MMP16: variants seen among roughly 807,000 people sequenced by gnomAD.
MMP16 encodes matrix metallopeptidase 16.
MMP16 carries 12 observed loss-of-function variants against 67.8 expected under a neutral mutation model. That is an observed-to-expected ratio of 0.18 (90% CI 0.11 to 0.29). MMP16 has a LOEUF of 0.29. Ranked by LOEUF, MMP16 falls within the 10% of genes least tolerant of loss-of-function variation. The pLI, the probability that MMP16 is intolerant of heterozygous loss-of-function variation, is 1.00. For missense variants in MMP16, 475 were observed against 765.7 expected (o/e 0.62, Z 4.48); for synonymous variants, 249 against 255.9 (o/e 0.97, Z 0.26).
chr8:88,057,603 G>A (rs760538208), intron 7 of MMP16, among the ~76,000 whole-genome samples: 3 of 151,980 alleles, frequency 2.0e-5, no homozygotes, highest in Admixed American at 6.6e-5. Context: ...ATGATAAACC[G>A]TAGCTTTCAT....
chr8:88,193,447 G>A (rs749168828), intron 2 of MMP16, among the ~76,000 whole-genome samples: 24 of 152,108 alleles, frequency 1.6e-4, no homozygotes, highest in Non-Finnish European at 2.8e-4. Context: ...AAGGATAGGA[G>A]GGAGGTGGGG....
At chr8:88,275,951 C>A (rs1810642970) in intron 1 of MMP16, among the ~76,000 whole-genome samples, 1 of 152,014 alleles carries the variant, frequency 6.6e-6, no homozygotes, top group East Asian at 1.9e-4. Flanking sequence ...AAGAGCACTC[C>A]TAGTCCCTTG....
rs1262185230 is a variant in MMP16, at chr8:88,044,854, A to G, written c.1489+1815T>C. ...TGTGGATAAATAAACTGATGTGATC[A>G]TCTTTCACATTTTTTCATTTCTTTG... On this transcript the variant is annotated intron_variant, in intron 9 of 9. Coordinates refer to ENST00000286614, the MANE Select transcript of MMP16 (RefSeq NM_005941.5). Among the ~76,000 whole-genome samples, 10 of 152,328 alleles carry G rather than the reference A, an allele frequency of 6.6e-5. No individual in the cohort carries two copies. In the East Asian group the frequency reaches 1.9e-3, roughly 29 times the overall value.
rs1277902790 is a variant in MMP16, at chr8:88,034,293, A to G, written c.*7168T>C. 6.6e-6 allele frequency: 1 copy of G among 152,224 alleles called. No individual in the cohort carries two copies. The highest frequency in any genetic ancestry group is 1.5e-5 in the Non-Finnish European group (1 of 67,900). 9.4% of individuals were successfully genotyped at this position (152,224 alleles called of 1,614,324 possible). On this transcript the variant is annotated 3_prime_UTR_variant, in exon 10 of 10. Coordinates refer to ENST00000286614, the MANE Select transcript of MMP16 (RefSeq NM_005941.5). ...TAGAAAGAAATGCAAATATAGACAG[A>G]GACTGCATAGGACAACTCAATAAGA...
At chr8:88,217,000 T>C (rs905048902) in intron 1 of MMP16, among the ~76,000 whole-genome samples, 4 of 152,128 alleles carry the variant, frequency 2.6e-5, no homozygotes, top group African/African-American at 9.6e-5. Context: ...TGGATTATAA[T>C]ATGTAACTAT....
At position 88,032,903 on chromosome 8, in the gene MMP16, T is replaced by C. The variant is rs1808004431; in HGVS notation, c.*8558A>G. On this transcript the variant is annotated 3_prime_UTR_variant, in exon 10 of 10. Transcript: ENST00000286614. ...AGTGTAATGAGAACAATGCAGAAAC[T>C]TAAATCTAGATTTTAATACTCTCTC... The C allele has an allele frequency of 6.6e-6, 1 of 152,082 alleles. No individual in the cohort carries two copies. Among genetic ancestry groups the C allele is most frequent in the African/African-American group, 2.4e-5 (1 of 41,420 alleles). 9.4% of individuals were successfully genotyped at this position (152,082 alleles called of 1,614,324 possible). A position where few individuals can be genotyped will look rare whatever the true frequency, so the allele number is the denominator to read the frequency against.
chr8:88,175,858 A>G (rs891578351), intron 3 of MMP16, among the ~76,000 whole-genome samples: 2 of 152,202 alleles, frequency 1.3e-5, no homozygotes, highest in African/African-American at 4.8e-5. Flanking sequence ...ACGAGATCAG[A>G]TGGTTTTATA....
At chr8:88,118,619 C>T in intron 5 of MMP16, 81 bp downstream of exon 5, 2 of 1,248,352 alleles carry the variant, frequency 1.6e-6, no homozygotes, top group East Asian at 2.3e-5. Flanking sequence ...ATACTTAGAG[C>T]ATCTATCTCA....
chr8:88,200,830 T>A (rs545526431), intron 1 of MMP16, among the ~76,000 whole-genome samples: 1 of 151,908 alleles, frequency 6.6e-6, no homozygotes, highest in South Asian at 2.1e-4. Context: ...TCCTGAAAAA[T>A]GATTATATAA....
At chr8:88,112,226 T>C (rs1809349293) in intron 6 of MMP16, among the ~76,000 whole-genome samples, 1 of 151,420 alleles carries the variant, frequency 6.6e-6, no homozygotes, top group South Asian at 2.1e-4. Flanking sequence ...CTCCTGGTGC[T>C]GTATACAATT....
At chr8:88,203,825 A>G (rs548660793) in intron 1 of MMP16, among the ~76,000 whole-genome samples, 1 of 152,224 alleles carries the variant, frequency 6.6e-6, no homozygotes, top group African/African-American at 2.4e-5. Flanking sequence ...ACGAAAAGAC[A>G]AAAGTGCTGT....
chr8:88,312,327 T>C (rs1811307756), intron 1 of MMP16, among the ~76,000 whole-genome samples: 1 of 152,176 alleles, frequency 6.6e-6, no homozygotes, highest in African/African-American at 2.4e-5. Context: ...AATAGTGTCA[T>C]ATAGAAGACT....
At chr8:88,280,034 T>G (rs1585996148) in intron 1 of MMP16, among the ~76,000 whole-genome samples, 1 of 152,104 alleles carries the variant, frequency 6.6e-6, no homozygotes, top group African/African-American at 2.4e-5. Context: ...AACATTTCCC[T>G]CCCTCCCACA....
At chr8:88,270,616 G>C (rs1470719235) in intron 1 of MMP16, among the ~76,000 whole-genome samples, 2 of 152,146 alleles carry the variant, frequency 1.3e-5, no homozygotes, top group Non-Finnish European at 2.9e-5. Context: ...AGAATTAAAT[G>C]GTTATTGAAT....
intron 1 of MMP16, among the ~76,000 whole-genome samples, chr8:88,224,343 G>A (rs779946766): frequency 3.3e-5 from 5 of 152,008 alleles, no homozygotes; most frequent in Non-Finnish European, 7.4e-5. Context: ...TACATCATCA[G>A]ATAAGCAGGA....
chr8:88,132,573 T>C (rs893632715), intron 4 of MMP16, among the ~76,000 whole-genome samples: 1 of 151,860 alleles, frequency 6.6e-6, no homozygotes, highest in Non-Finnish European at 1.5e-5. Flanking sequence ...TGTGGGCTCT[T>C]TTCACATGTT....
At chr8:88,304,526 A>C (rs917447056) in intron 1 of MMP16, among the ~76,000 whole-genome samples, 3 of 152,156 alleles carry the variant, frequency 2.0e-5, no homozygotes, top group African/African-American at 4.8e-5. Context: ...TGACAGAAAA[A>C]ATGTTAAGGG....
intron 1 of MMP16, among the ~76,000 whole-genome samples, chr8:88,317,677 A>C (rs945540385): frequency 1.3e-5 from 2 of 152,190 alleles, no homozygotes; most frequent in Non-Finnish European, 2.9e-5. Context: ...AAAATCAGCT[A>C]GATTTTTACC....
At chr8:88,291,103 A>G (rs1289446518) in intron 1 of MMP16, among the ~76,000 whole-genome samples, 1 of 152,054 alleles carries the variant, frequency 6.6e-6, no homozygotes, top group African/African-American at 2.4e-5. Context: ...CAACACGGTG[A>G]TACCACATCT....
Sources: allele counts gnomAD v4.1 joint callset (sites outside exome capture counted in the v4.1 genomes callset), GRCh38; gene constraint gnomAD v4.1.1; transcripts MANE v1.5; gene names NCBI Gene and HGNC (gene_info 2026-07-23, HGNC 2026-07-21).